CYFIP1: variants seen among roughly 807,000 people sequenced by gnomAD.
CYFIP1 encodes the protein cytoplasmic FMR1-interacting protein 1.
A neutral mutation model predicts 163.5 loss-of-function variants in CYFIP1; 58 were observed. That is an observed-to-expected ratio of 0.35 (90% CI 0.29 to 0.44). CYFIP1 has a LOEUF of 0.44. CYFIP1 is among the 20% of genes least tolerant of loss of function. CYFIP1 has a pLI of 1.00. For synonymous variants in CYFIP1, 663 were observed against 660.7 expected, an observed-to-expected ratio of 1.00 and a Z score of -0.05; for missense variants, 1,338 against 1,653.8, an observed-to-expected ratio of 0.81 and a Z score of 3.31.
At chr15:22,880,649 C>CGCA (rs1189822501) in intron 25 of CYFIP1, among the ~76,000 whole-genome samples, 1 of 152,202 alleles carries the variant, frequency 6.6e-6, no homozygotes, top group African/African-American at 2.4e-5. Context: ...GGCAGCTGAC[C>CGCA]GCACAATGAA....
chr15:22,954,991 G>A (rs984839484), intron 1 of CYFIP1, among the ~76,000 whole-genome samples: 10 of 152,134 alleles, frequency 6.6e-5, no homozygotes, highest in Admixed American at 5.9e-4. Flanking sequence ...GACTGGCTCC[G>A]TGTCTGAGCT....
At chr15:22,930,733 T>C (rs2061511713) in intron 11 of CYFIP1, among the ~76,000 whole-genome samples, 1 of 152,068 alleles carries the variant, frequency 6.6e-6, no homozygotes, top group Admixed American at 6.6e-5. Context: ...AGGTATAGAG[T>C]GTGTTTGTGT....
At position 22,903,860 on chromosome 15, in the gene CYFIP1, G is replaced by C. The variant is rs916766498; in HGVS notation, c.2434C>G (p.Leu812Val). ...CCGTCCAGCGTCAGGTACCGGCTCA[G>C]CAGCTTGTGGGTCATGCGGTTGATT... is the stretch of plus-strand genomic sequence containing the variant. The part of the protein sequence containing the change: ...LEINRMTHKL[L>V]SRYLTLDGFD... The change falls in exon 22 of 31, where the codon CTG (leucine) becomes GTG (valine). Residue 812 changes from leucine (L) to valine (V), a missense_variant. Leu to Val is a conservative substitution (Grantham distance 32, BLOSUM62 1). Coordinates refer to ENST00000617928, the MANE Select transcript of CYFIP1 (RefSeq NM_014608.6). The C allele has an allele frequency of 6.2e-7, 1 of 1,614,200 alleles. No homozygotes were observed. Among genetic ancestry groups the C allele is most frequent in the Non-Finnish European group, 8.5e-7 (1 of 1,180,038 alleles).
chr15:22,881,513 G>A (rs2059761806), intron 25 of CYFIP1, among the ~76,000 whole-genome samples: 1 of 151,978 alleles, frequency 6.6e-6, no homozygotes, highest in African/African-American at 2.4e-5. Context: ...CCATCTCGGT[G>A]GGCCTGTCTC....
rs541567424 is a variant in CYFIP1, at chr15:22,881,898, C to T, written c.2859G>A (p.Met953Ile). 16 of 1,612,636 alleles carry T rather than the reference C, an allele frequency of 9.9e-6. No individual in the cohort carries two copies. The South Asian group carries it at 1.4e-4, about 14-fold the overall frequency. The change falls in exon 25 of 31, where the codon ATG (methionine) becomes ATA (isoleucine). Residue 953 changes from methionine to isoleucine, a missense_variant. Transcript: ENST00000617928. ...GGCGGCAGATCTTGGGCATCACCTC[C>T]ATCAGCGTCTTCACGTACTGCAGGA... ...GTILQYVKTL[M>I]EVMPKICRLP...
At chr15:22,931,535 C>T (rs1366893095) in intron 11 of CYFIP1, among the ~76,000 whole-genome samples, 4 of 151,960 alleles carry the variant, frequency 2.6e-5, no homozygotes, top group Admixed American at 6.6e-5. Context: ...GGCCCCAGGT[C>T]AGAATCACCC....
intron 16 of CYFIP1, among the ~76,000 whole-genome samples, chr15:22,915,866 C>T (rs191006413): frequency 2.0e-5 from 3 of 152,252 alleles, no homozygotes; most frequent in Non-Finnish European, 2.9e-5. Flanking sequence ...AAAAATGAGA[C>T]AGATTAAAAG....
chr15:22,921,608 G>A (rs2061179805), intron 13 of CYFIP1, among the ~76,000 whole-genome samples: 2 of 151,652 alleles, frequency 1.3e-5, no homozygotes, highest in African/African-American at 4.8e-5. Context: ...TTGAGGTCAG[G>A]AGTTCAAGAC....
At chr15:22,885,127 A>G (rs2059895591) in intron 23 of CYFIP1, among the ~76,000 whole-genome samples, 1 of 152,206 alleles carries the variant, frequency 6.6e-6, no homozygotes, top group Non-Finnish European at 1.5e-5. Context: ...GGTGATTGAC[A>G]TTCAAAATTT....
intron 15 of CYFIP1, chr15:22,916,900 G>A: frequency 6.4e-7 from 1 of 1,551,760 alleles, no homozygotes; most frequent in Non-Finnish European, 8.7e-7. Context: ...GTTAAAAGGG[G>A]TAGGTAGGTG....
intron 22 of CYFIP1, among the ~76,000 whole-genome samples, chr15:22,894,780 ATATG>A (rs1197497040): frequency 6.7e-6 from 1 of 148,538 alleles, no homozygotes; most frequent in Non-Finnish European, 1.5e-5. Context: ...AAATACATAT[ATATG>A]ATACATAACA....
intron 30 of CYFIP1, among the ~76,000 whole-genome samples, chr15:22,871,497 C>T (rs556128347): frequency 1.8e-4 from 27 of 152,268 alleles, no homozygotes; most frequent in Middle Eastern, 3.4e-3. Context: ...CTGGGAGCCC[C>T]GGAAATGGAG....
chr15:22,873,493 G>A lies in CYFIP1; in HGVS notation c.3447C>T (p.Val1149=), dbSNP rs921898787. The part of the protein sequence containing the change: ...CIPVGTHEFT[V]EQCFGDGLHW... ...TCCTGCTCTCAGCACACACTTACTC[G>A]ACTGTGAACTCGTGTGTCCCCACGG... Residue 1149 remains valine, a splice_region_variant and synonymous_variant, in exon 29 of 31, where the codon GTC becomes GTT. Coordinates refer to ENST00000617928, the MANE Select transcript of CYFIP1 (RefSeq NM_014608.6). 10 of 1,611,584 alleles carry A rather than the reference G, an allele frequency of 6.2e-6. No individual in the cohort carries two copies. Among genetic ancestry groups the A allele is most frequent in the African/African-American group, 2.7e-5 (2 of 74,876 alleles).
chr15:22,924,899 C>T (rs1381060466), intron 13 of CYFIP1, among the ~76,000 whole-genome samples: 6 of 152,030 alleles, frequency 3.9e-5, no homozygotes, highest in Non-Finnish European at 7.4e-5. Context: ...TGGTGACACC[C>T]CATCTCTACC....
chr15:22,935,711 C>G (rs946428204), intron 9 of CYFIP1, among the ~76,000 whole-genome samples: 2 of 152,020 alleles, frequency 1.3e-5, no homozygotes, highest in African/African-American at 4.8e-5. Flanking sequence ...TCATCTATGG[C>G]ACAGTAGCTA....
At chr15:22,877,811 T>G (rs180754464) in intron 26 of CYFIP1, among the ~76,000 whole-genome samples, 1 of 152,348 alleles carries the variant, frequency 6.6e-6, no homozygotes, top group Non-Finnish European at 1.5e-5. Context: ...AGGGTCTGCC[T>G]AGGCGTGCAG....
intron 1 of CYFIP1, among the ~76,000 whole-genome samples, chr15:22,958,812 G>T (rs1359178032): frequency 5.3e-5 from 8 of 152,218 alleles, no homozygotes; most frequent in African/African-American, 1.7e-4. Context: ...AAACCCCAGA[G>T]TGCCCCAGGA....
At chr15:22,933,162 T>C (rs1044447284) in intron 10 of CYFIP1, among the ~76,000 whole-genome samples, 1 of 151,068 alleles carries the variant, frequency 6.6e-6, no homozygotes, top group Non-Finnish European at 1.5e-5. Context: ...ACAACCTTTT[T>C]AAACATAAAG....
intron 23 of CYFIP1, among the ~76,000 whole-genome samples, chr15:22,884,123 G>T (rs1400716292): frequency 0.014 from 2 of 140 alleles, no homozygotes; most frequent in African/African-American, 0.042. Flanking sequence ...ATGAGATTTG[G>T]GTGGGGGACA....
Sources: gnomAD v4.1 joint callset for allele counts (sites outside exome capture counted in the v4.1 genomes callset) on GRCh38, gnomAD v4.1.1 for gene constraint, MANE v1.5 for transcripts, NCBI Gene and HGNC (gene_info 2026-07-23, HGNC 2026-07-21) for gene names.